FSTL4: variants seen among roughly 807,000 people sequenced by gnomAD.
FSTL4 encodes the protein follistatin-related protein 4.
In FSTL4, 28 loss-of-function variants were observed where a neutral mutation model predicts 78.2. The observed-to-expected ratio is 0.36, with a 90% confidence interval of 0.27 to 0.49. FSTL4 has a LOEUF of 0.49. Ranked by LOEUF, FSTL4 falls within the 20% of genes least tolerant of loss-of-function variation. FSTL4 has a pLI of 0.98. For synonymous variants in FSTL4, 422 were observed against 440.5 expected, an observed-to-expected ratio of 0.96 and a Z score of 0.53; for missense variants, 922 against 1,084.9, an observed-to-expected ratio of 0.85 and a Z score of 2.11.
intron 4 of FSTL4, among the ~76,000 whole-genome samples, chr5:133,322,757 C>T (rs1329077428): frequency 2.0e-5 from 3 of 152,218 alleles, no homozygotes; most frequent in East Asian, 3.8e-4. Flanking sequence ...ACTGAGTCCA[C>T]GCCTGAGACC....
intron 2 of FSTL4, among the ~76,000 whole-genome samples, chr5:133,590,923 A>C (rs1035610875): frequency 1.3e-5 from 2 of 152,188 alleles, no homozygotes; most frequent in Non-Finnish European, 2.9e-5. Context: ...TCCCAGTCTC[A>C]AGCCCTTCTG....
chr5:133,351,646 C>T (rs2864901), intron 4 of FSTL4, among the ~76,000 whole-genome samples: 1 of 151,968 alleles, frequency 6.6e-6, no homozygotes, highest in Non-Finnish European at 1.5e-5. Flanking sequence ...CTTGCTGTGT[C>T]TCCCAGGCTG....
At chr5:133,665,770 G>A in the FSTL4 span, among the ~76,000 whole-genome samples, 1 of 152,232 alleles carries the variant, frequency 6.6e-6, no homozygotes, top group Non-Finnish European at 1.5e-5. Context: ...AGAGGGGGCT[G>A]AGGGTCTCTT....
At chr5:133,826,357 A>G in the FSTL4 span, among the ~76,000 whole-genome samples, 35 of 152,350 alleles carry the variant, frequency 2.3e-4, no homozygotes, top group Admixed American at 4.6e-4. Flanking sequence ...TGCCATAACA[A>G]AGGACCACAA....
At chr5:133,454,377 T>C (rs1347981282) in intron 3 of FSTL4, among the ~76,000 whole-genome samples, 7 of 152,198 alleles carry the variant, frequency 4.6e-5, no homozygotes, top group African/African-American at 1.7e-4. Context: ...AAGGAAATCC[T>C]GGACAAGCTT....
chr5:133,733,869 C>T, the FSTL4 span, among the ~76,000 whole-genome samples: 1 of 152,214 alleles, frequency 6.6e-6, no homozygotes, highest in Non-Finnish European at 1.5e-5. Flanking sequence ...GGCTTGGATG[C>T]TCTTCCACGT....
intron 5 of FSTL4, among the ~76,000 whole-genome samples, chr5:133,315,237 C>T (rs1753876459): frequency 2.6e-5 from 4 of 152,220 alleles, no homozygotes; most frequent in African/African-American, 9.6e-5. Context: ...TCATGATGAC[C>T]CTGTGAGGTT....
At chr5:133,817,243 A>G in the FSTL4 span, among the ~76,000 whole-genome samples, 1 of 152,232 alleles carries the variant, frequency 6.6e-6, no homozygotes, top group Non-Finnish European at 1.5e-5. Flanking sequence ...CTCAGGTCAC[A>G]CTGCAAGTAA....
At chr5:133,406,623 G>C (rs376419064) in intron 3 of FSTL4, among the ~76,000 whole-genome samples, 57 of 152,162 alleles carry the variant, frequency 3.7e-4, no homozygotes, top group Admixed American at 1.3e-4. Context: ...TTATATTCAA[G>C]GGTTGGGATG....
At chr5:133,699,784 G>T in the FSTL4 span, among the ~76,000 whole-genome samples, 3 of 150,534 alleles carry the variant, frequency 2.0e-5, no homozygotes, top group Non-Finnish European at 2.9e-5. Context: ...GGGAGGCTGA[G>T]GCAGGAGAAT....
the FSTL4 span, among the ~76,000 whole-genome samples, chr5:133,673,267 CA>C: frequency 6.6e-6 from 1 of 152,160 alleles, no homozygotes; most frequent in African/African-American, 2.4e-5. Context: ...TGAAAGCAGG[CA>C]CTACAGGGCT....
At chr5:133,559,637 T>A (rs1264703911) in intron 3 of FSTL4, among the ~76,000 whole-genome samples, 1 of 152,188 alleles carries the variant, frequency 6.6e-6, no homozygotes, top group Non-Finnish European at 1.5e-5. Flanking sequence ...TATGCCCAAA[T>A]ATTGCAATGC....
intron 1 of FSTL4, among the ~76,000 whole-genome samples, chr5:133,605,030 A>T (rs1760948347): frequency 6.6e-6 from 1 of 152,214 alleles, no homozygotes; most frequent in South Asian, 2.1e-4. Flanking sequence ...TCAAGTCCAA[A>T]TCATGTGCTA....
At chr5:133,714,106 C>T in the FSTL4 span, among the ~76,000 whole-genome samples, 4 of 152,082 alleles carry the variant, frequency 2.6e-5, no homozygotes, top group Non-Finnish European at 5.9e-5. Context: ...CTCGTCTGGG[C>T]GCTGGGTTTG....
intron 3 of FSTL4, among the ~76,000 whole-genome samples, chr5:133,403,908 G>A (rs1376136762): frequency 6.6e-6 from 1 of 152,156 alleles, no homozygotes; most frequent in Non-Finnish European, 1.5e-5. Flanking sequence ...GAGGCCCAGC[G>A]TCACACAGGG....
the FSTL4 span, among the ~76,000 whole-genome samples, chr5:133,621,697 C>T: frequency 6.6e-6 from 1 of 151,930 alleles, no homozygotes; most frequent in Admixed American, 6.6e-5. Flanking sequence ...CAAATCACCA[C>T]TAAAGAACTT....
intron 3 of FSTL4, among the ~76,000 whole-genome samples, chr5:133,468,274 C>T (rs1262245978): frequency 1.3e-5 from 2 of 152,250 alleles, no homozygotes; most frequent in Non-Finnish European, 2.9e-5. Context: ...GTGGGTGTCC[C>T]TGCCCCAGGG....
At chr5:133,226,801 T>G (rs1751349076) in intron 8 of FSTL4, among the ~76,000 whole-genome samples, 1 of 152,192 alleles carries the variant, frequency 6.6e-6, no homozygotes, top group Non-Finnish European at 1.5e-5. Flanking sequence ...ATCCCAGTAC[T>G]TTAGAATAGA....
chr5:133,299,270 A>C (rs1753476234), intron 6 of FSTL4, among the ~76,000 whole-genome samples: 1 of 152,228 alleles, frequency 6.6e-6, no homozygotes, highest in African/African-American at 2.4e-5. Flanking sequence ...GTGAAGGCTC[A>C]GGAAGGGCCT....
Sources: gnomAD v4.1 joint callset for allele counts (sites outside exome capture counted in the v4.1 genomes callset) on GRCh38, gnomAD v4.1.1 for gene constraint, MANE v1.5 for transcripts, NCBI Gene and HGNC (gene_info 2026-07-23, HGNC 2026-07-21) for gene names.